NLK: variants seen among roughly 807,000 people sequenced by gnomAD.
NLK encodes the protein nemo like kinase.
Under a neutral mutation model 59.0 loss-of-function variants are expected in NLK, and 11 were observed. That is an observed-to-expected ratio of 0.19 (90% CI 0.12 to 0.31). The LOEUF (loss-of-function observed/expected upper bound fraction) is 0.31, where lower values mean the gene tolerates loss of function less well. Ranked by LOEUF, NLK falls within the 10% of genes least tolerant of loss-of-function variation. The pLI is 1.00. For synonymous variants in NLK, 235 were observed against 235.9 expected (o/e 1.00, Z 0.03); for missense variants, 410 against 661.1 (o/e 0.62, Z 4.16).
At chr17:28,205,038 C>G in the NLK span, among the ~76,000 whole-genome samples, 2 of 152,208 alleles carry the variant, frequency 1.3e-5, no homozygotes, top group African/African-American at 4.8e-5. Context: ...AGATTTCCAA[C>G]TCAGTCACCT....
chr17:28,082,426 C>T (rs1373346341), intron 1 of NLK, among the ~76,000 whole-genome samples: 3 of 152,222 alleles, frequency 2.0e-5, no homozygotes, highest in Non-Finnish European at 4.4e-5. Context: ...TAAGGAAATA[C>T]TTTGGCAAAA....
chr17:28,102,672 A>AC (rs1483247005), intron 1 of NLK, among the ~76,000 whole-genome samples: 5 of 151,288 alleles, frequency 3.3e-5, no homozygotes, highest in Non-Finnish European at 5.9e-5. Flanking sequence ...AAAAGTTTTT[A>AC]CCCCCCTCAG....
intron 1 of NLK, among the ~76,000 whole-genome samples, chr17:28,052,201 T>A (rs1296258663): frequency 6.6e-6 from 1 of 152,214 alleles, no homozygotes; most frequent in Non-Finnish European, 1.5e-5. Flanking sequence ...AAAACTTGCT[T>A]AGTTTCTTAT....
rs78756706 is a variant in NLK at position 28,160,559 on chromosome 17, A to G, written c.645-601A>G. Among the ~76,000 whole-genome samples, 127 of 152,288 alleles carry G rather than the reference A, an allele frequency of 8.3e-4. 1 individual carries two copies. The East Asian group carries it at 0.022, about 26-fold the overall frequency. ...AACCCTAAACATACAACAGAGTACA[A>G]CGTATAGGAAGCTCGCTCGAAATCT... On this transcript the variant is annotated intron_variant, in intron 3 of 10. Transcript: ENST00000407008.
intron 1 of NLK, among the ~76,000 whole-genome samples, chr17:28,102,899 A>G: frequency 6.6e-6 from 1 of 152,156 alleles, no homozygotes; most frequent in East Asian, 1.9e-4. Context: ...TGTAGTACCT[A>G]GTGATGGCTA....
At chr17:28,056,227 ATTTGT>A (rs1485516678) in intron 1 of NLK, among the ~76,000 whole-genome samples, 1 of 152,216 alleles carries the variant, frequency 6.6e-6, no homozygotes, top group Non-Finnish European at 1.5e-5. Flanking sequence ...GATTTCAGTC[ATTTGT>A]TTTGAGGGCT....
At chr17:28,081,539 A>C (rs1183115445) in intron 1 of NLK, among the ~76,000 whole-genome samples, 3 of 152,262 alleles carry the variant, frequency 2.0e-5, no homozygotes, top group African/African-American at 7.2e-5. Flanking sequence ...TAGGAAAAAA[A>C]ATAACAAATA....
chr17:28,181,665 A>G (rs1908910964), intron 7 of NLK, among the ~76,000 whole-genome samples: 1 of 152,024 alleles, frequency 6.6e-6, no homozygotes, highest in African/African-American at 2.4e-5. Context: ...AATATACTGT[A>G]TGGGTTCTGT....
intron 1 of NLK, among the ~76,000 whole-genome samples, chr17:28,083,376 GAA>G (rs34707755): frequency 1.3e-4 from 20 of 152,280 alleles, no homozygotes; most frequent in African/African-American, 4.6e-4. Context: ...TTGGAACAGA[GAA>G]GAGTATTATT....
At chr17:28,112,619 T>C (rs1905575212) in intron 1 of NLK, among the ~76,000 whole-genome samples, 1 of 152,220 alleles carries the variant, frequency 6.6e-6, no homozygotes, top group African/African-American at 2.4e-5. Flanking sequence ...CCTCTTCAAT[T>C]TGCCACAGCT....
intron 9 of NLK, among the ~76,000 whole-genome samples, chr17:28,191,916 C>T (rs1395262906): frequency 1.3e-5 from 2 of 152,258 alleles, no homozygotes; most frequent in East Asian, 3.9e-4. Flanking sequence ...TGTAATGCCA[C>T]CAGTAGGTTT....
At chr17:28,180,076 A>G (rs1307070857) in intron 7 of NLK, among the ~76,000 whole-genome samples, 1 of 152,056 alleles carries the variant, frequency 6.6e-6, no homozygotes, top group Non-Finnish European at 1.5e-5. Context: ...TAGAAACTAA[A>G]ATTTTAATCG....
At chr17:28,116,196 T>C (rs1905761669) in intron 1 of NLK, 1 of 156,688 alleles carries the variant, frequency 6.4e-6, no homozygotes, top group Non-Finnish European at 1.4e-5. Flanking sequence ...GTTTCTATCA[T>C]TGGGTGGATG....
chr17:28,060,384 G>C (rs1275176664), intron 1 of NLK, among the ~76,000 whole-genome samples: 1 of 152,092 alleles, frequency 6.6e-6, no homozygotes, highest in African/African-American at 2.4e-5. Flanking sequence ...GAGGATATTA[G>C]CAATATATGT....
rs141228903 is a variant in NLK at position 28,059,145 on chromosome 17, A to T, written c.458+15814A>T. ...TGTCTCAAAAAAAAAAAAATAAAGT[A>T]CTATAGTTGGTTCTTGCCATTATGT... is the stretch of plus-strand genomic sequence containing the variant. On this transcript the variant is annotated intron_variant, in intron 1 of 10. Coordinates refer to ENST00000407008, the MANE Select transcript of NLK (RefSeq NM_016231.5). 5.3e-5 allele frequency among the ~76,000 whole-genome samples: 8 copies of T among 152,062 alleles called. No individual in the cohort carries two copies. The East Asian group carries it at 1.2e-3, about 22-fold the overall frequency.
At chr17:28,059,766 G>T (rs1909565519) in intron 1 of NLK, among the ~76,000 whole-genome samples, 1 of 152,148 alleles carries the variant, frequency 6.6e-6, no homozygotes, top group South Asian at 2.1e-4. Flanking sequence ...TTTAGGGTTT[G>T]CTGATCTCTG....
intron 8 of NLK, among the ~76,000 whole-genome samples, chr17:28,186,715 C>T (rs193278299): frequency 5.9e-5 from 9 of 152,252 alleles, no homozygotes; most frequent in South Asian, 2.1e-4. Flanking sequence ...TTCACTATCA[C>T]GAGAACAGCA....
intron 6 of NLK, among the ~76,000 whole-genome samples, chr17:28,170,546 C>T (rs1908419603): frequency 6.6e-6 from 1 of 152,140 alleles, no homozygotes; most frequent in Non-Finnish European, 1.5e-5. Flanking sequence ...AAATTATGTA[C>T]ATATAATACT....
chr17:28,108,606 A>G (rs1905308387), intron 1 of NLK, among the ~76,000 whole-genome samples: 1 of 152,238 alleles, frequency 6.6e-6, no homozygotes, highest in Non-Finnish European at 1.5e-5. Context: ...ACCTGTTTAC[A>G]GTGACACACA....
Sources: allele counts gnomAD v4.1 joint callset (sites outside exome capture counted in the v4.1 genomes callset), GRCh38; gene constraint gnomAD v4.1.1; transcripts MANE v1.5; gene names NCBI Gene and HGNC (gene_info 2026-07-23, HGNC 2026-07-21).